Variants in ULK4 observed in about 807,000 individuals in gnomAD.
ULK4 encodes unc-51 like kinase 4.
A neutral mutation model predicts 160.6 loss-of-function variants in ULK4; 133 were observed. The observed-to-expected ratio is 0.83, with a 90% CI of 0.72 to 0.96. The LOEUF (loss-of-function observed/expected upper bound fraction) is 0.96. Ranked by LOEUF, ULK4 falls within the 40% of genes least tolerant of loss-of-function variation. The probability of loss-of-function intolerance (pLI) is 0.00; values close to 1 mark genes in which losing one functional copy is unlikely to be tolerated. For missense variants in ULK4, 1,580 were observed against 1,499.5 expected, an observed-to-expected ratio of 1.05 and a Z score of -0.89; for synonymous variants, 534 against 539.8, an observed-to-expected ratio of 0.99 and a Z score of 0.15.
At chr3:41,574,465 G>C (rs1302298080) in intron 31 of ULK4, among the ~76,000 whole-genome samples, 2 of 149,966 alleles carry the variant, frequency 1.3e-5, no homozygotes, top group African/African-American at 4.9e-5. Flanking sequence ...TCCTTAGCAG[G>C]GACCACAGTC....
At chr3:41,572,017 G>A (rs973959201) in intron 31 of ULK4, among the ~76,000 whole-genome samples, 1 of 152,100 alleles carries the variant, frequency 6.6e-6, no homozygotes, top group Non-Finnish European at 1.5e-5. Flanking sequence ...GCCATGTCCT[G>A]TACTCCACTT....
chr3:41,374,329 A>C (rs2081433270), intron 35 of ULK4, among the ~76,000 whole-genome samples: 1 of 152,176 alleles, frequency 6.6e-6, no homozygotes, highest in Admixed American at 6.5e-5. Flanking sequence ...GCAGAGACAC[A>C]ACAAAAAGAG....
intron 35 of ULK4, among the ~76,000 whole-genome samples, chr3:41,313,019 A>G (rs4973934): frequency 0.55 from 83,919 of 151,920 alleles, 25,057 homozygotes; most frequent in African/African-American, 0.8. Flanking sequence ...AATAACTACT[A>G]AGCAGAGTAA....
At chr3:41,697,654 T>A (rs1187977104) in intron 27 of ULK4, among the ~76,000 whole-genome samples, 1 of 152,170 alleles carries the variant, frequency 6.6e-6, no homozygotes, top group Admixed American at 6.5e-5. Flanking sequence ...ATTGTTTTTT[T>A]AATTTTTTGT....
Position 41,561,963 on chromosome 3 carries a change from T to G in ULK4, c.3226+4062A>C, listed in dbSNP as rs552140965. On this transcript the variant is annotated intron_variant, in intron 32 of 36. Coordinates refer to ENST00000301831, the MANE Select transcript of ULK4 (RefSeq NM_017886.4). ...TTTAATTGTGATGTTAGGGTGCAGATTTTAGATCTTTTCTGCTTTCTCTTG... is the reference window on the plus strand; with the variant it reads ...TTTAATTGTGATGTTAGGGTGCAGAGTTTAGATCTTTTCTGCTTTCTCTTG... Among the ~76,000 whole-genome samples the G allele has an allele frequency of 5.3e-5, 8 of 152,322 alleles. No individual in the cohort carries two copies. In the South Asian group the frequency reaches 1.0e-3, roughly 20 times the overall value.
At chr3:41,304,467 G>A (rs993639427) in intron 35 of ULK4, among the ~76,000 whole-genome samples, 46 of 152,104 alleles carry the variant, frequency 3.0e-4, no homozygotes, top group African/African-American at 1.1e-3. Context: ...TGACTTAGAA[G>A]AAACATAGAA....
intron 35 of ULK4, among the ~76,000 whole-genome samples, chr3:41,255,727 A>T (rs2078822203): frequency 6.7e-6 from 1 of 148,776 alleles, no homozygotes; most frequent in Non-Finnish European, 1.5e-5. Flanking sequence ...ATATAAAACA[A>T]ACAAATAAAA....
intron 9 of ULK4, among the ~76,000 whole-genome samples, chr3:41,911,900 C>G (rs1487000483): frequency 2.0e-5 from 3 of 152,150 alleles, no homozygotes; most frequent in Admixed American, 6.5e-5. Flanking sequence ...CACCTGTAAT[C>G]CCCGCACTTT....
At chr3:41,507,739 T>C (rs2085444691) in intron 32 of ULK4, among the ~76,000 whole-genome samples, 2 of 151,554 alleles carry the variant, frequency 1.3e-5, no homozygotes, top group African/African-American at 4.9e-5. Flanking sequence ...ATTGTGGAGG[T>C]TGAATCCCAG....
chr3:41,364,920 G>C (rs1430715054), intron 35 of ULK4, among the ~76,000 whole-genome samples: 2 of 152,144 alleles, frequency 1.3e-5, no homozygotes, highest in African/African-American at 4.8e-5. Flanking sequence ...GAATCATCTG[G>C]GGGATCTCAT....
chr3:41,749,722 A>C (rs2038550760), intron 22 of ULK4, among the ~76,000 whole-genome samples: 1 of 152,174 alleles, frequency 6.6e-6, no homozygotes, highest in South Asian at 2.1e-4. Context: ...TTAAAGTCCC[A>C]ATTCCATTAA....
At chr3:41,744,236 C>A (rs2038342158) in intron 22 of ULK4, among the ~76,000 whole-genome samples, 1 of 151,926 alleles carries the variant, frequency 6.6e-6, no homozygotes, top group Non-Finnish European at 1.5e-5. Context: ...ATGGTCCAAA[C>A]ATACCAATTA....
intron 35 of ULK4, 55 bp downstream of exon 35, chr3:41,398,024 C>A: frequency 6.4e-7 from 1 of 1,556,174 alleles, no homozygotes; most frequent in Non-Finnish European, 8.7e-7. Context: ...ACTCACTGTC[C>A]ATGTCGCTGC....
rs1356144833 is a variant in ULK4, at chr3:41,776,339, A to G, written c.2193+13322T>C. 2.7e-5 allele frequency among the ~76,000 whole-genome samples: 4 copies of G among 150,504 alleles called. No homozygotes were observed. The East Asian group carries it at 7.7e-4, about 29-fold the overall frequency. ...ATCCTGGATACTAATCATTAAGAAAAGTTTCCCTACAACAAGATCACAAAG... is the reference window on the plus strand; with the variant it reads ...ATCCTGGATACTAATCATTAAGAAAGGTTTCCCTACAACAAGATCACAAAG... On this transcript the variant is annotated intron_variant, in intron 21 of 36. Transcript: ENST00000301831.
chr3:41,648,574 T>C (rs962155012), intron 30 of ULK4, among the ~76,000 whole-genome samples: 1 of 152,184 alleles, frequency 6.6e-6, no homozygotes, highest in Non-Finnish European at 1.5e-5. Context: ...CAAACTGTTT[T>C]CTTAGCCTAC....
intron 20 of ULK4, among the ~76,000 whole-genome samples, chr3:41,791,345 G>C (rs186549993): frequency 2.5e-4 from 38 of 152,272 alleles, no homozygotes; most frequent in African/African-American, 8.9e-4. Context: ...GGCCAGGTTG[G>C]TCTCGAACTC....
chr3:41,570,248 G>A (rs2087924178), intron 31 of ULK4, among the ~76,000 whole-genome samples: 1 of 152,190 alleles, frequency 6.6e-6, no homozygotes, highest in African/African-American at 2.4e-5. Flanking sequence ...AAATACTGAT[G>A]TCTAAAAATT....
intron 17 of ULK4, among the ~76,000 whole-genome samples, chr3:41,876,860 G>C (rs1362039857): frequency 6.6e-6 from 1 of 152,204 alleles, no homozygotes; most frequent in Admixed American, 6.5e-5. Flanking sequence ...CAAAGGGAGA[G>C]AACAGTGATC....
At chr3:41,706,836 A>ATATAT (rs1338646937) in intron 25 of ULK4, among the ~76,000 whole-genome samples, 41 of 124,054 alleles carry the variant, frequency 3.3e-4, no homozygotes, top group African/African-American at 1.9e-3. Context: ...TCAAAAAAAA[A>ATATAT]AAAAAAAAAA....
Sources: gnomAD v4.1 joint callset for allele counts (sites outside exome capture counted in the v4.1 genomes callset) on GRCh38, gnomAD v4.1.1 for gene constraint, MANE v1.5 for transcripts, NCBI Gene and HGNC (gene_info 2026-07-23, HGNC 2026-07-21) for gene names.